Variants in SLC36A1 observed in about 807,000 individuals in gnomAD.
SLC36A1 encodes proton-coupled amino acid transporter 1.
In SLC36A1, 30 loss-of-function variants were observed where a neutral mutation model predicts 47.5. The ratio of observed to expected loss-of-function variants is 0.63; its 90% CI spans 0.47 to 0.86. SLC36A1 has a LOEUF of 0.86. Ranked by LOEUF, SLC36A1 falls within the 40% of genes least tolerant of loss-of-function variation. SLC36A1 has a pLI of 0.00. For synonymous variants in SLC36A1, 255 were observed against 249.7 expected (o/e 1.02, Z -0.20); for missense variants, 517 against 606.0 (o/e 0.85, Z 1.54).
the SLC36A1 span, chr5:151,419,861 TC>T: frequency 2.6e-5 from 4 of 152,180 alleles, no homozygotes; most frequent in Non-Finnish European, 5.9e-5. Flanking sequence ...CTGCCATCCT[TC>T]CCCATCCCAG....
the SLC36A1 span, among the ~76,000 whole-genome samples, chr5:151,530,649 C>T: frequency 1.1e-4 from 17 of 152,246 alleles, no homozygotes; most frequent in African/African-American, 4.1e-4. Flanking sequence ...GAAAAATGGC[C>T]TGGTGATATT....
chr5:151,355,467 A>G, the SLC36A1 span, among the ~76,000 whole-genome samples: 1 of 152,194 alleles, frequency 6.6e-6, no homozygotes, highest in African/African-American at 2.4e-5. Context: ...ATTCCTTTTA[A>G]CTCTGCAATT....
At chr5:151,380,259 C>T in the SLC36A1 span, 2 of 227,572 alleles carry the variant, frequency 8.8e-6, no homozygotes, top group Non-Finnish European at 1.8e-5. Context: ...CTGCGGCGGG[C>T]GGATCACCTG....
At chr5:151,358,980 CAAAAAAAA>C in the SLC36A1 span, among the ~76,000 whole-genome samples, 1 of 46,254 alleles carries the variant, frequency 2.2e-5, no homozygotes, top group South Asian at 6.7e-4. Context: ...GACTCCGTCT[CAAAAAAAA>C]AAAAAAAAAA....
At chr5:151,477,384 C>T (rs1307129087) in intron 9 of SLC36A1, 1 of 156,092 alleles carries the variant, frequency 6.4e-6, no homozygotes, top group East Asian at 1.9e-4. Flanking sequence ...AATCAGCTTT[C>T]AGTCTAGGCT....
At chr5:151,460,145 A>G (rs1366113262) in intron 2 of SLC36A1, among the ~76,000 whole-genome samples, 2 of 152,214 alleles carry the variant, frequency 1.3e-5, no homozygotes, top group African/African-American at 4.8e-5. Flanking sequence ...CAGCATTGGC[A>G]GCCCCCATGC....
the SLC36A1 span, among the ~76,000 whole-genome samples, chr5:151,506,920 C>A: frequency 6.6e-6 from 1 of 152,170 alleles, no homozygotes; most frequent in Admixed American, 6.5e-5. Context: ...TGTCATGAAC[C>A]TCAATCCCAT....
the SLC36A1 span, chr5:151,347,573 G>T: frequency 1.2e-5 from 16 of 1,376,950 alleles, no homozygotes; most frequent in South Asian, 1.7e-4. Context: ...GTGTGCCCGG[G>T]CTGGCTCTGG....
At chr5:151,555,002 C>G in the SLC36A1 span, among the ~76,000 whole-genome samples, 1 of 152,182 alleles carries the variant, frequency 6.6e-6, no homozygotes. Flanking sequence ...AATTTTAGTT[C>G]TCTGGTTTCC....
At chr5:151,532,523 T>G in the SLC36A1 span, among the ~76,000 whole-genome samples, 2 of 152,220 alleles carry the variant, frequency 1.3e-5, no homozygotes, top group Non-Finnish European at 2.9e-5. Flanking sequence ...ATTATCCTAC[T>G]GCTATGTAAG....
chr5:151,515,354 T>C, the SLC36A1 span, among the ~76,000 whole-genome samples: 1 of 152,218 alleles, frequency 6.6e-6, no homozygotes, highest in Non-Finnish European at 1.5e-5. Flanking sequence ...CTCTCTTCAA[T>C]CTACATTGCT....
upstream of SLC36A1, among the ~76,000 whole-genome samples, chr5:151,447,009 A>G (rs938905900): frequency 3.3e-5 from 5 of 151,840 alleles, no homozygotes; most frequent in Non-Finnish European, 7.4e-5. Context: ...TTATTAAACA[A>G]TGATCTTCTC....
the SLC36A1 span, among the ~76,000 whole-genome samples, chr5:151,424,337 G>T: frequency 6.6e-6 from 1 of 152,210 alleles, no homozygotes; most frequent in Non-Finnish European, 1.5e-5. Context: ...CAGTGATGCT[G>T]GAGGAAGAAA....
the SLC36A1 span, among the ~76,000 whole-genome samples, chr5:151,526,630 AC>A: frequency 6.6e-6 from 1 of 152,326 alleles, no homozygotes; most frequent in Admixed American, 6.5e-5. Context: ...TCAGATGTGG[AC>A]TGGCGATATT....
At chr5:151,463,452 G>C in intron 2 of SLC36A1, 101 bp from the exon 3 acceptor site, 3 of 871,786 alleles carry the variant, frequency 3.4e-6, no homozygotes, top group African/African-American at 1.7e-5. Flanking sequence ...AATCTTACAG[G>C]GTTGTTGTGG....
the SLC36A1 span, among the ~76,000 whole-genome samples, chr5:151,353,508 A>G: frequency 6.6e-6 from 1 of 152,102 alleles, no homozygotes; most frequent in Non-Finnish European, 1.5e-5. Flanking sequence ...AGCATCCCCT[A>G]CTATTGACAT....
At chr5:151,400,211 A>G in the SLC36A1 span, among the ~76,000 whole-genome samples, 1 of 152,040 alleles carries the variant, frequency 6.6e-6, no homozygotes, top group Admixed American at 6.6e-5. Flanking sequence ...CTTTATGTCC[A>G]TGAGTACCCA....
chr5:151,464,574 G>C lies in SLC36A1; in HGVS notation c.295G>C (p.Val99Leu), dbSNP rs757175932. The change falls in exon 4 of 11, where the codon GTG (valine) becomes CTG (leucine). Residue 99 changes from valine (V) to leucine (L), a missense_variant. Coordinates refer to ENST00000243389, the MANE Select transcript of SLC36A1 (RefSeq NM_078483.4). ...IVAVHCMGILVKCAHHFCRRL... is the reference protein window; with the variant it reads ...IVAVHCMGILLKCAHHFCRRL... ...GGCCGTGCACTGCATGGGTATCCTG[G>C]TGAAATGTGCTCACCACTTCTGCCG... The C allele has an allele frequency of 5.6e-6, 9 of 1,614,076 alleles. No homozygotes were observed. Among genetic ancestry groups the C allele is most frequent in the Non-Finnish European group, 6.8e-6 (8 of 1,180,030 alleles).
intron 1 of SLC36A1, among the ~76,000 whole-genome samples, chr5:151,450,579 C>T (rs1260799120): frequency 1.3e-5 from 2 of 152,228 alleles, no homozygotes; most frequent in Non-Finnish European, 2.9e-5. Flanking sequence ...GAGCAGATGT[C>T]CACTTACTGG....
Sources: allele counts gnomAD v4.1 joint callset (sites outside exome capture counted in the v4.1 genomes callset), GRCh38; gene constraint gnomAD v4.1.1; transcripts MANE v1.5; gene names NCBI Gene and HGNC (gene_info 2026-07-23, HGNC 2026-07-21).